Variants in CECR2 observed in about 807,000 individuals in gnomAD.
CECR2 encodes chromatin remodeling regulator CECR2.
In CECR2, 30 loss-of-function variants were observed where a neutral mutation model predicts 154.5. That is an observed-to-expected ratio of 0.19 (90% CI 0.15 to 0.26). CECR2 has a LOEUF of 0.26. Among genes scored for constraint, CECR2 ranks in the 10% least tolerant of loss-of-function variants. The probability of loss-of-function intolerance (pLI) is 1.00; values close to 1 mark genes in which losing one functional copy is unlikely to be tolerated. For synonymous variants in CECR2, 725 were observed against 683.7 expected (o/e 1.06, Z -0.94); for missense variants, 1,743 against 1,829.3 (o/e 0.95, Z 0.86).
rs1418027472 is a variant in CECR2, at chr22:17,555,509, G to C, written c.*2669G>C. The C allele has an allele frequency of 6.6e-6, 1 of 152,128 alleles. No homozygotes were observed. Among genetic ancestry groups the C allele is most frequent in the African/African-American group, 2.4e-5 (1 of 41,414 alleles). The allele number at this position is 152,128 out of a possible 1,614,324, so 9.4% of individuals were successfully genotyped here. A position where few individuals can be genotyped will look rare whatever the true frequency, so the allele number is the denominator to read the frequency against. ...GCTGTCTGGAGCTGCAAGGTTGCAG[G>C]AATCCACAGGAGCGTGAGCTGCTGT... On this transcript the variant is annotated 3_prime_UTR_variant, in exon 19 of 19. Coordinates refer to ENST00000262608, the MANE Select transcript of CECR2 (RefSeq NM_001290047.2).
intron 1 of CECR2, among the ~76,000 whole-genome samples, chr22:17,470,691 C>G (rs79083565): frequency 3.9e-5 from 6 of 151,936 alleles, no homozygotes; most frequent in African/African-American, 1.4e-4. Flanking sequence ...TTGCAAAACC[C>G]TTACTGACTG....
intron 1 of CECR2, among the ~76,000 whole-genome samples, chr22:17,370,328 G>T (rs1403089225): frequency 5.4e-5 from 8 of 149,500 alleles, no homozygotes; most frequent in East Asian, 2.0e-4. Flanking sequence ...GCGGGGGGGG[G>T]GCCCGCGCGG....
intron 3 of CECR2, among the ~76,000 whole-genome samples, chr22:17,498,728 G>A (rs1157946205): frequency 1.3e-5 from 2 of 152,072 alleles, no homozygotes; most frequent in Non-Finnish European, 2.9e-5. Context: ...AGCTTGCCCC[G>A]TGCCTGATCC....
chr22:17,471,820 C>T (rs910932494), intron 1 of CECR2, among the ~76,000 whole-genome samples: 3 of 152,152 alleles, frequency 2.0e-5, no homozygotes, highest in Non-Finnish European at 2.9e-5. Context: ...CAGGTGTGAG[C>T]CACCACGCCT....
intron 7 of CECR2, among the ~76,000 whole-genome samples, chr22:17,506,374 G>T (rs1158085831): frequency 6.6e-6 from 1 of 151,908 alleles, no homozygotes; most frequent in East Asian, 1.9e-4. Context: ...CACTCTTCCT[G>T]TCTTGGCCTC....
At chr22:17,414,528 T>C (rs1161305811) in intron 1 of CECR2, among the ~76,000 whole-genome samples, 1 of 151,850 alleles carries the variant, frequency 6.6e-6, no homozygotes, top group Admixed American at 6.6e-5. Context: ...TTTTTTTTAT[T>C]ATTATACTTT....
intron 8 of CECR2, among the ~76,000 whole-genome samples, chr22:17,512,921 A>G: frequency 6.6e-6 from 1 of 152,172 alleles, no homozygotes; most frequent in Admixed American, 6.6e-5. Flanking sequence ...GACACAAAGC[A>G]AAACAACATA....
At chr22:17,386,510 T>C (rs1317854126) in intron 1 of CECR2, among the ~76,000 whole-genome samples, 1 of 152,186 alleles carries the variant, frequency 6.6e-6, no homozygotes, top group Non-Finnish European at 1.5e-5. Context: ...GCGCCATGTT[T>C]TATACCAGTA....
At chr22:17,496,128 T>C (rs1010046275) in intron 2 of CECR2, among the ~76,000 whole-genome samples, 2 of 151,932 alleles carry the variant, frequency 1.3e-5, no homozygotes, top group Non-Finnish European at 2.9e-5. Flanking sequence ...AATTTTAATA[T>C]ACAGACATGG....
chr22:17,510,732 G>A (rs777221820), intron 7 of CECR2, among the ~76,000 whole-genome samples: 7 of 152,158 alleles, frequency 4.6e-5, no homozygotes, highest in Non-Finnish European at 1.0e-4. Context: ...CTCCTGAGTA[G>A]CTGGGACTAC....
chr22:17,361,766 G>A (rs1284058227), intron 1 of CECR2, among the ~76,000 whole-genome samples: 1 of 151,606 alleles, frequency 6.6e-6, no homozygotes, highest in Non-Finnish European at 1.5e-5. Flanking sequence ...AAAAAAGAGA[G>A]AGAGAGTGAC....
rs572026925 is a variant in CECR2, at chr22:17,472,707, C to T, written c.127-4881C>T. Among the ~76,000 whole-genome samples the T allele has an allele frequency of 2.0e-5, 3 of 152,136 alleles. No homozygotes were observed. In the South Asian group the frequency reaches 6.2e-4, roughly 32 times the overall value. On this transcript the variant is annotated intron_variant, in intron 1 of 18. Transcript: ENST00000262608. ...GAGTTTCTCTTTACTACCTCTTTAGCAAAAGATTAATGAAAATTTATACAG... is the reference window on the plus strand; with the variant it reads ...GAGTTTCTCTTTACTACCTCTTTAGTAAAAGATTAATGAAAATTTATACAG...
chr22:17,371,583 G>A (rs1228114523), intron 1 of CECR2, among the ~76,000 whole-genome samples: 2 of 152,214 alleles, frequency 1.3e-5, no homozygotes, highest in African/African-American at 4.8e-5. Context: ...TTTTCTTTCA[G>A]TTGGTACAAA....
Position 17,392,642 on chromosome 22 carries a change from A to G in CECR2, c.126+22733A>G, listed in dbSNP as rs542738508. Among the ~76,000 whole-genome samples, 13 of 152,082 alleles carry G rather than the reference A, an allele frequency of 8.5e-5. No homozygotes were observed. In the East Asian group the frequency reaches 2.3e-3, roughly 27 times the overall value. ...GGTTGCAGTGAGCCGAAATTATACC[A>G]CTGCACTCCAGCCTGAGTGACAGAG... On this transcript the variant is annotated intron_variant, in intron 1 of 18. Coordinates refer to ENST00000262608, the MANE Select transcript of CECR2 (RefSeq NM_001290047.2).
chr22:17,370,375 G>A (rs1459150091), intron 1 of CECR2, among the ~76,000 whole-genome samples: 7 of 150,628 alleles, frequency 4.6e-5, no homozygotes, highest in Admixed American at 6.6e-5. Flanking sequence ...GGCCGCGGCC[G>A]GCGGGGAGGG....
chr22:17,478,827 A>G (rs1326729015), intron 2 of CECR2, among the ~76,000 whole-genome samples: 1 of 152,234 alleles, frequency 6.6e-6, no homozygotes, highest in Non-Finnish European at 1.5e-5. Flanking sequence ...TGCACTAAGT[A>G]TAATGACTTT....
chr22:17,524,226 G>A lies in CECR2; in HGVS notation c.1063G>A (p.Glu355Lys). 2 of 1,610,170 alleles carry A rather than the reference G, an allele frequency of 1.2e-6. No homozygotes were observed. Among genetic ancestry groups the A allele is most frequent in the Non-Finnish European group, 1.7e-6 (2 of 1,178,462 alleles). Residue 355 changes from glutamate to lysine, a missense_variant, in exon 9 of 19, where the codon GAA becomes AAA. This residue lies in a region of CECR2 where 292 missense variants were observed against 301.2 expected (regional missense o/e 0.97). Coordinates refer to ENST00000262608, the MANE Select transcript of CECR2 (RefSeq NM_001290047.2). ...GAAGGAGCAGGAGCAGATGCTAAAG[G>A]AAGAGAGGAAACGCGAGTTGGAGGA... Reference protein sequence around the residue: ...QKKEQEQMLKEERKRELEEKV... With the variant: ...QKKEQEQMLKKERKRELEEKV...
intron 2 of CECR2, 66 bp from the exon 3 acceptor site, chr22:17,497,337 C>G: frequency 6.8e-7 from 1 of 1,462,056 alleles, no homozygotes; most frequent in Non-Finnish European, 9.2e-7. Flanking sequence ...TTCTCTCTCT[C>G]TCTCCTTCTC....
rs753455717 is a variant in CECR2 at position 17,537,188 on chromosome 22, G to A, written c.1194G>A (p.Leu398=). Residue 398 remains leucine, a synonymous_variant, in exon 10 of 19, where the codon CTG becomes CTA. Coordinates refer to ENST00000262608, the MANE Select transcript of CECR2 (RefSeq NM_001290047.2). ...AGCTCCCTCCAGAACTTTCCCATCT[G>A]GACCCCAATTCCCCCATGAGAGAGG... ...GKELPPELSH[L]DPNSPMREEK... The A allele has an allele frequency of 1.2e-6, 2 of 1,613,964 alleles. No individual in the cohort carries two copies. Among genetic ancestry groups the A allele is most frequent in the South Asian group, 2.2e-5 (2 of 91,082 alleles).
Sources: allele counts gnomAD v4.1 joint callset (sites outside exome capture counted in the v4.1 genomes callset), GRCh38; gene constraint gnomAD v4.1.1; regional missense constraint gnomAD v4.1.1; transcripts MANE v1.5; gene names NCBI Gene and HGNC (gene_info 2026-07-23, HGNC 2026-07-21).